PLXNA4: variants seen among roughly 807,000 people sequenced by gnomAD.
The protein encoded by PLXNA4 is plexin-A4.
In PLXNA4, 44 loss-of-function variants were observed where a neutral mutation model predicts 191.8. The observed-to-expected ratio is 0.23, with a 90% CI of 0.18 to 0.29. The LOEUF is 0.29. Among genes scored for constraint, PLXNA4 ranks in the 10% least tolerant of loss-of-function variants. PLXNA4 has a pLI of 1.00. For synonymous variants in PLXNA4, 1,082 were observed against 1,009.5 expected, an observed-to-expected ratio of 1.07 and a Z score of -1.36; for missense variants, 1,800 against 2,488.8, an observed-to-expected ratio of 0.72 and a Z score of 5.89.
At chr7:132,138,354 G>T (rs1272424939) in intron 30 of PLXNA4, among the ~76,000 whole-genome samples, 1 of 152,168 alleles carries the variant, frequency 6.6e-6, no homozygotes, top group Non-Finnish European at 1.5e-5. Flanking sequence ...TCAACTGCAG[G>T]CTGCAAATTT....
intron 3 of PLXNA4, among the ~76,000 whole-genome samples, chr7:132,375,291 C>G (rs143559707): frequency 1.6e-4 from 22 of 140,136 alleles, no homozygotes; most frequent in South Asian, 6.8e-4. Flanking sequence ...CGCCCCCCCC[C>G]ACGCCCCAGC....
intron 2 of PLXNA4, among the ~76,000 whole-genome samples, chr7:132,493,120 T>A (rs575805001): frequency 1.3e-5 from 2 of 152,198 alleles, no homozygotes; most frequent in East Asian, 3.9e-4. Context: ...GGTGAAAGCC[T>A]TCAACAGGTG....
intron 14 of PLXNA4, among the ~76,000 whole-genome samples, chr7:132,191,763 C>T (rs1797094406): frequency 1.9e-5 from 1 of 51,650 alleles, no homozygotes; most frequent in South Asian, 1.1e-3. Flanking sequence ...TGTCATCCCT[C>T]CTCTCTCCAT....
rs904542980 is a variant in PLXNA4 at position 132,508,308 on chromosome 7, G to A, written c.386C>T (p.Ala129Val). 6.8e-6 allele frequency: 11 copies of A among 1,614,086 alleles called. No individual in the cohort carries two copies. The highest frequency in any genetic ancestry group is 9.3e-6 in the Non-Finnish European group (11 of 1,180,058). ...GATGCCTTGGTACAGGCTCCCACAG[G>A]CAATCAGCCTGTTCTCCTTGTAGTC... ...LIDYKENRLI[A>V]CGSLYQGICK... The change falls in exon 2 of 32, where the codon GCC becomes GTC. Residue 129 changes from alanine (A) to valine (V), a missense_variant. By Grantham distance (64) the Ala-to-Val change is moderately conservative. This residue lies in a region of PLXNA4 where 1,397 missense variants were observed against 1,880.4 expected (regional missense o/e 0.74). Coordinates refer to ENST00000321063, the MANE Select transcript of PLXNA4 (RefSeq NM_020911.2). The surrounding 1 kb of genome is among the most constrained non-coding windows in gnomAD (Gnocchi z 4.4).
intron 3 of PLXNA4, among the ~76,000 whole-genome samples, chr7:132,307,968 A>G (rs1031932868): frequency 6.6e-6 from 1 of 152,152 alleles, no homozygotes; most frequent in African/African-American, 2.4e-5. Flanking sequence ...ACATTCTCAG[A>G]GCCAAATAAT....
Position 132,163,424 on chromosome 7 carries a change from C to A in PLXNA4, c.4500+718G>T, listed in dbSNP as rs754192134. ...CTTTAGTCGGTTCTGTTGGTGTTCT[C>A]ATTTTTTCAGATAAAGAGACCCAAA... On this transcript the variant is annotated intron_variant, in intron 24 of 31. Coordinates refer to ENST00000321063, the MANE Select transcript of PLXNA4 (RefSeq NM_020911.2). Among the ~76,000 whole-genome samples the A allele has an allele frequency of 2.6e-5, 4 of 152,214 alleles. No homozygotes were observed. In the South Asian group the frequency reaches 8.3e-4, roughly 31 times the overall value.
intron 29 of PLXNA4, among the ~76,000 whole-genome samples, chr7:132,142,002 A>T (rs2671095): frequency 0.27 from 40,719 of 152,184 alleles, 12,718 homozygotes; most frequent in African/African-American, 0.76. Context: ...AGTGTTGAGA[A>T]TACAAGGCGT....
intron 3 of PLXNA4, among the ~76,000 whole-genome samples, chr7:132,449,709 A>G (rs1308785557): frequency 2.0e-5 from 3 of 152,180 alleles, no homozygotes; most frequent in African/African-American, 7.2e-5. Context: ...CCAGAGGCAA[A>G]GCACCTTCAG....
chr7:132,419,943 A>G (rs1270187843), intron 3 of PLXNA4, among the ~76,000 whole-genome samples: 3 of 151,998 alleles, frequency 2.0e-5, no homozygotes, highest in Non-Finnish European at 4.4e-5. Flanking sequence ...TTAAATACGG[A>G]AAAAAAATCC....
At chr7:132,466,765 C>G (rs1426489) in intron 3 of PLXNA4, among the ~76,000 whole-genome samples, 2,823 of 152,252 alleles carry the variant, frequency 0.019, 80 homozygotes, top group African/African-American at 0.065. Flanking sequence ...CATTTTCCTC[C>G]TTTTTTAACT....
chr7:132,123,570 C>A lies in PLXNA4; in HGVS notation c.*6909G>T, dbSNP rs559565227. ...TTTTTTAATATTTTACTAGGATACT[C>A]TTCTTTAAAAATCAAAACCAGAAGA... On this transcript the variant is annotated 3_prime_UTR_variant, in exon 32 of 32. Transcript: ENST00000321063. 1 of 152,112 alleles carries A rather than the reference C, an allele frequency of 6.6e-6. No individual in the cohort carries two copies. The highest frequency in any genetic ancestry group is 2.4e-5 in the African/African-American group (1 of 41,478). 9.4% of individuals were successfully genotyped at this position (152,112 alleles called of 1,614,324 possible).
At chr7:132,396,252 T>C (rs1237367929) in intron 3 of PLXNA4, among the ~76,000 whole-genome samples, 4 of 152,120 alleles carry the variant, frequency 2.6e-5, no homozygotes, top group Admixed American at 2.0e-4. Context: ...ATAAAGGGAA[T>C]GGGGAGAGCT....
At chr7:132,616,492 C>T (rs984713413) in intron 2 of PLXNA4, among the ~76,000 whole-genome samples, 6 of 152,284 alleles carry the variant, frequency 3.9e-5, no homozygotes, top group Non-Finnish European at 7.4e-5. Context: ...GTTCTCCAGC[C>T]CAGTGGCCTC....
At chr7:132,589,091 GA>G (rs1294769240) in intron 2 of PLXNA4, among the ~76,000 whole-genome samples, 2 of 152,124 alleles carry the variant, frequency 1.3e-5, no homozygotes, top group Admixed American at 6.5e-5. Context: ...ATCATCCATT[GA>G]AAAAAACATT....
At chr7:132,529,903 C>A (rs1033744443) in intron 1 of PLXNA4, among the ~76,000 whole-genome samples, 7 of 152,138 alleles carry the variant, frequency 4.6e-5, no homozygotes, top group Non-Finnish European at 1.0e-4. Context: ...CCGCGCCTGG[C>A]CCCCCTAATG....
chr7:132,406,170 A>G (rs1426762001), intron 3 of PLXNA4, among the ~76,000 whole-genome samples: 1 of 152,226 alleles, frequency 6.6e-6, no homozygotes, highest in Non-Finnish European at 1.5e-5. Context: ...ACCTCTTCAC[A>G]GAGAAGGATT....
chr7:132,316,802 C>A (rs1489590416), intron 3 of PLXNA4, among the ~76,000 whole-genome samples: 1 of 151,992 alleles, frequency 6.6e-6, no homozygotes, highest in Non-Finnish European at 1.5e-5. Context: ...TGGGGTCTCA[C>A]AAGAAAAGTA....
At position 132,576,261 on chromosome 7, in the gene PLXNA4, G is replaced by A. The variant is rs1291190674; in HGVS notation, c.-87+161C>T. 6.6e-6 allele frequency among the ~76,000 whole-genome samples: 1 copy of A among 152,138 alleles called. No individual in the cohort carries two copies. Among genetic ancestry groups the A allele is most frequent in the Non-Finnish European group, 1.5e-5 (1 of 68,018 alleles). Reference sequence around the variant, plus strand: ...ACGTGGGCAGGTGCGCGAGCGCCGTGTGTGCCGGTGTGGATCTGTGTGTGT... The same window carrying A: ...ACGTGGGCAGGTGCGCGAGCGCCGTATGTGCCGGTGTGGATCTGTGTGTGT... On this transcript the variant is annotated intron_variant, in intron 1 of 31. Coordinates refer to ENST00000321063, the MANE Select transcript of PLXNA4 (RefSeq NM_020911.2). The surrounding 1 kb of genome is among the most constrained non-coding windows in gnomAD (Gnocchi z 5.8).
At chr7:132,505,757 C>A (rs1798442020) in intron 2 of PLXNA4, among the ~76,000 whole-genome samples, 1 of 152,162 alleles carries the variant, frequency 6.6e-6, no homozygotes, top group Non-Finnish European at 1.5e-5. Flanking sequence ...TAATACATCT[C>A]ACCACAGACC....
Sources: gnomAD v4.1 joint callset for allele counts (sites outside exome capture counted in the v4.1 genomes callset) on GRCh38, gnomAD v4.1.1 for gene constraint, gnomAD v4.1.1 regional missense constraint, Gnocchi (gnomAD v3.1) non-coding constraint, MANE v1.5 for transcripts, NCBI Gene and HGNC (gene_info 2026-07-23, HGNC 2026-07-21) for gene names.